PCDH9: variants seen among roughly 807,000 people sequenced by gnomAD.
PCDH9 encodes the protein protocadherin-9.
Under a neutral mutation model 70.6 loss-of-function variants are expected in PCDH9, and 24 were observed. The observed-to-expected ratio is 0.34, with a 90% CI of 0.25 to 0.48. The LOEUF is 0.48. PCDH9 is among the 20% of genes least tolerant of loss of function. PCDH9 has a pLI of 0.99. For missense variants in PCDH9, 1,281 were observed against 1,503.6 expected, an observed-to-expected ratio of 0.85 and a Z score of 2.45; for synonymous variants, 562 against 558.5, an observed-to-expected ratio of 1.01 and a Z score of -0.09.
At chr13:66,513,644 T>C (rs1959595212) in intron 4 of PCDH9, among the ~76,000 whole-genome samples, 2 of 152,080 alleles carry the variant, frequency 1.3e-5, no homozygotes, top group Non-Finnish European at 2.9e-5. Context: ...GAATATTCTC[T>C]TGGTCTTTCA....
At chr13:66,994,386 C>T (rs1373952210) in intron 2 of PCDH9, among the ~76,000 whole-genome samples, 1 of 152,172 alleles carries the variant, frequency 6.6e-6, no homozygotes, top group Admixed American at 6.5e-5. Flanking sequence ...CTCCCTCTAG[C>T]GTGCCCTACT....
intron 4 of PCDH9, among the ~76,000 whole-genome samples, chr13:66,390,989 G>A (rs1957007489): frequency 6.6e-6 from 1 of 152,082 alleles, no homozygotes; most frequent in Admixed American, 6.6e-5. Context: ...AATAAGTCCT[G>A]TAGAGTTTTT....
chr13:66,832,138 T>C (rs1048132857), intron 3 of PCDH9, among the ~76,000 whole-genome samples: 16 of 152,058 alleles, frequency 1.1e-4, no homozygotes, highest in African/African-American at 3.9e-4. Context: ...CCAGGGAACA[T>C]TGCTAGCTGA....
intron 3 of PCDH9, among the ~76,000 whole-genome samples, chr13:66,640,773 A>AT (rs2077698429): frequency 3.3e-5 from 5 of 152,238 alleles, no homozygotes; most frequent in Admixed American, 1.3e-4. Context: ...GTTGTTTAAA[A>AT]AATGCTCATG....
intron 2 of PCDH9, among the ~76,000 whole-genome samples, chr13:67,183,270 T>C (rs1029665950): frequency 1.3e-5 from 2 of 152,026 alleles, no homozygotes; most frequent in East Asian, 1.9e-4. Flanking sequence ...GACTCCTAAC[T>C]ATTAAGAAAA....
At chr13:67,132,694 G>A (rs891464268) in intron 2 of PCDH9, among the ~76,000 whole-genome samples, 1 of 135,666 alleles carries the variant, frequency 7.4e-6, no homozygotes, top group Non-Finnish European at 1.6e-5. Flanking sequence ...ACAGAACATA[G>A]CATTAAAAAA....
At chr13:66,950,105 T>G (rs2083153780) in intron 2 of PCDH9, among the ~76,000 whole-genome samples, 1 of 152,064 alleles carries the variant, frequency 6.6e-6, no homozygotes, top group Non-Finnish European at 1.5e-5. Flanking sequence ...ATATAAATAT[T>G]AAATTAAGTG....
intron 4 of PCDH9, among the ~76,000 whole-genome samples, chr13:66,510,102 C>T (rs866766205): frequency 2.0e-5 from 3 of 151,926 alleles, no homozygotes; most frequent in Non-Finnish European, 4.4e-5. Flanking sequence ...GAAAAATTTC[C>T]TTTCAGGTTT....
chr13:67,085,549 A>G (rs2086090057), intron 2 of PCDH9, among the ~76,000 whole-genome samples: 1 of 152,172 alleles, frequency 6.6e-6, no homozygotes, highest in African/African-American at 2.4e-5. Flanking sequence ...GTCAATACGC[A>G]TTTCACACCA....
intron 2 of PCDH9, among the ~76,000 whole-genome samples, chr13:67,138,992 A>G (rs2087304834): frequency 6.6e-6 from 1 of 152,198 alleles, no homozygotes; most frequent in Non-Finnish European, 1.5e-5. Flanking sequence ...TGAATCTTGT[A>G]TAGTAAGGAT....
At chr13:66,876,213 T>C (rs1594192017) in intron 3 of PCDH9, among the ~76,000 whole-genome samples, 1 of 152,122 alleles carries the variant, frequency 6.6e-6, no homozygotes, top group South Asian at 2.1e-4. Context: ...GTACTATAAA[T>C]TACAGTGAAT....
At chr13:66,570,087 C>A (rs2076711432) in intron 4 of PCDH9, among the ~76,000 whole-genome samples, 1 of 152,056 alleles carries the variant, frequency 6.6e-6, no homozygotes, top group South Asian at 2.1e-4. Flanking sequence ...TAAAAAGCGT[C>A]AACTATTGAT....
chr13:66,332,079 A>G (rs1182867019), intron 4 of PCDH9, among the ~76,000 whole-genome samples: 1 of 152,158 alleles, frequency 6.6e-6, no homozygotes, highest in African/African-American at 2.4e-5. Flanking sequence ...GGTGTTTGCT[A>G]AAAAGCAAAG....
intron 4 of PCDH9, among the ~76,000 whole-genome samples, chr13:66,463,034 C>T (rs1958452843): frequency 6.6e-6 from 1 of 151,816 alleles, no homozygotes; most frequent in African/African-American, 2.4e-5. Context: ...GTGTGCCTAA[C>T]CCAACAAATA....
intron 4 of PCDH9, among the ~76,000 whole-genome samples, chr13:66,532,487 C>A (rs1039073751): frequency 2.6e-5 from 4 of 152,058 alleles, no homozygotes; most frequent in African/African-American, 9.7e-5. Flanking sequence ...AACAAAAATT[C>A]TTGGCAATGA....
rs551695136 is a variant in PCDH9, at chr13:66,322,798, C to T, written c.3341-17770G>A. ...CATTTTGATTTCATTTATGTGGGCACGTATATCACTCTCAGCTTTGCTAAC... is the reference window on the plus strand; with the variant it reads ...CATTTTGATTTCATTTATGTGGGCATGTATATCACTCTCAGCTTTGCTAAC... On this transcript the variant is annotated intron_variant, in intron 4 of 4. Transcript: ENST00000377865. Among the ~76,000 whole-genome samples, 21 of 151,920 alleles carry T rather than the reference C, an allele frequency of 1.4e-4. 2 individuals carry two copies. The highest frequency in any genetic ancestry group is 2.7e-4 in the African/African-American group (11 of 41,358).
At chr13:67,218,577 A>G (rs1332349599) in intron 2 of PCDH9, 3 of 152,056 alleles carry the variant, frequency 2.0e-5, no homozygotes, top group African/African-American at 7.2e-5. Context: ...AAATGCAGAG[A>G]TGGTTGGATA....
At chr13:67,101,316 G>GA (rs954829291) in intron 2 of PCDH9, among the ~76,000 whole-genome samples, 2 of 151,752 alleles carry the variant, frequency 1.3e-5, no homozygotes, top group East Asian at 3.8e-4. Flanking sequence ...TGTGCAGCTG[G>GA]AAAAAAAAGT....
intron 3 of PCDH9, among the ~76,000 whole-genome samples, chr13:66,843,185 C>T (rs1327488505): frequency 2.0e-5 from 3 of 152,168 alleles, no homozygotes; most frequent in Admixed American, 6.5e-5. Context: ...GTATTCCCTG[C>T]TTTGAGATTT....
Sources: gnomAD v4.1 joint callset for allele counts (sites outside exome capture counted in the v4.1 genomes callset) on GRCh38, gnomAD v4.1.1 for gene constraint, MANE v1.5 for transcripts, NCBI Gene and HGNC (gene_info 2026-07-23, HGNC 2026-07-21) for gene names.